SMYD2: variants seen among roughly 807,000 people sequenced by gnomAD.
The protein encoded by SMYD2 is SET and MYND domain containing 2.
Under a neutral mutation model 59.1 loss-of-function variants are expected in SMYD2, and 53 were observed. The observed-to-expected ratio is 0.90, with a 90% CI of 0.72 to 1.13. The LOEUF (loss-of-function observed/expected upper bound fraction) is 1.13. Ranked by LOEUF, SMYD2 falls within the 50% of genes most tolerant of loss-of-function variation. SMYD2 has a pLI of 0.00. For missense variants in SMYD2, 494 were observed against 544.7 expected (o/e 0.91, Z 0.93); for synonymous variants, 208 against 198.8 (o/e 1.05, Z -0.39).
Position 214,313,185 on chromosome 1 carries a change from C to T in SMYD2, c.238-1577C>T, listed in dbSNP as rs892268053. 2.0e-5 allele frequency among the ~76,000 whole-genome samples: 3 copies of T among 152,102 alleles called. 1 individual carries two copies. Among genetic ancestry groups the T allele is most frequent in the Non-Finnish European group, 4.4e-5 (3 of 68,018 alleles). ...AGGCTGGAGTGTAGCGGTGCACTCT[C>T]GGCTCACTGCAACCTCTGCCTCCTG... On this transcript the variant is annotated intron_variant, in intron 2 of 11. Transcript: ENST00000366957.
In SMYD2 at chr1:214,284,091, G is replaced by A. The variant is rs193030976; in HGVS notation, c.173+2664G>A. Among the ~76,000 whole-genome samples, 193 of 152,010 alleles carry A rather than the reference G, an allele frequency of 1.3e-3. 6 individuals carry two copies. Among genetic ancestry groups the A allele is most frequent in the Middle Eastern group, 6.8e-3 (2 of 292 alleles). ...TGGTGGGTGCCATTGGAGAACATGC[G>A]TATCTTGCCTGAACTGCTAGAAGGC... On this transcript the variant is annotated intron_variant, in intron 1 of 11. Transcript: ENST00000366957.
rs1333050447 is a variant in SMYD2, at chr1:214,329,076, TGTG to T, written c.706-1088_706-1086del. 3.3e-5 allele frequency among the ~76,000 whole-genome samples: 5 copies of T among 152,152 alleles called. 1 individual carries two copies. Among genetic ancestry groups the T allele is most frequent in the African/African-American group, 4.8e-5 (2 of 41,424 alleles). ...ATTACAGAGATTGTTGGCAGGCTCT[TGTG>T]GTGTGAGGCAGGGCAGGGGTGGCTG... is the stretch of plus-strand genomic sequence containing the variant. On this transcript the variant is annotated intron_variant, in intron 7 of 11. Transcript: ENST00000366957.
Position 214,336,873 on chromosome 1 carries a change from C to A in SMYD2, c.*89C>A. ...TTTCAAATTGCACACGTCACTCCAG[C>A]ATCTCTGTAAAATAATTGGAATGAA... On this transcript the variant is annotated 3_prime_UTR_variant, in exon 12 of 12. Coordinates refer to ENST00000366957, the MANE Select transcript of SMYD2 (RefSeq NM_020197.3). 1 of 1,114,766 alleles carries A rather than the reference C, an allele frequency of 9.0e-7. No individual in the cohort carries two copies. Among genetic ancestry groups the A allele is most frequent in the Non-Finnish European group, 1.3e-6 (1 of 776,644 alleles). 69.1% of individuals were successfully genotyped at this position (1,114,766 alleles called of 1,614,324 possible). A position where few individuals can be genotyped will look rare whatever the true frequency, so the allele number is the denominator to read the frequency against.
chr1:214,297,307 AT>A (rs1346526147), intron 1 of SMYD2, among the ~76,000 whole-genome samples: 13 of 148,142 alleles, frequency 8.8e-5, no homozygotes, highest in African/African-American at 3.3e-4. Flanking sequence ...TTTGGGGGTT[AT>A]TTCAGGTTTT....
At chr1:214,327,860 C>T (rs1442944868) in intron 7 of SMYD2, 136 bp downstream of exon 7, 5 of 659,534 alleles carry the variant, frequency 7.6e-6, no homozygotes, top group Non-Finnish European at 1.3e-5. Context: ...AGTCTGCCCT[C>T]AGGCTCTCCA....
chr1:214,330,777 A>C (rs1016681324), intron 8 of SMYD2, among the ~76,000 whole-genome samples, 173 bp from the exon 9 acceptor site: 9 of 152,252 alleles, frequency 5.9e-5, no homozygotes, highest in African/African-American at 2.2e-4. Flanking sequence ...GTAAAAAGGT[A>C]ATGGAGTACT....
chr1:214,288,471 C>T (rs1656585771), intron 1 of SMYD2, among the ~76,000 whole-genome samples: 1 of 152,188 alleles, frequency 6.6e-6, no homozygotes, highest in Non-Finnish European at 1.5e-5. Context: ...CCCCCTTTGG[C>T]CTGAACCTAC....
Position 214,332,108 on chromosome 1 carries a change from T to C in SMYD2, c.1028T>C (p.Met343Thr). The C allele has an allele frequency of 6.2e-7, 1 of 1,614,184 alleles. No individual in the cohort carries two copies. The highest frequency in any genetic ancestry group is 8.5e-7 in the Non-Finnish European group (1 of 1,180,036). Residue 343 changes from methionine to threonine, a missense_variant, in exon 10 of 12, where the codon ATG becomes ACG. Met to Thr is a moderately conservative substitution (Grantham distance 81). Coordinates refer to ENST00000366957, the MANE Select transcript of SMYD2 (RefSeq NM_020197.3). ...AGTAACGTGTACATGTTGCACATGA[T>C]GTACCAGGCCATGGGTGTCTGCTTG... ...EDSNVYMLHM[M>T]YQAMGVCLYM...
At chr1:214,333,551 G>A (rs1399609276) in intron 10 of SMYD2, 2 of 152,622 alleles carry the variant, frequency 1.3e-5, no homozygotes, top group East Asian at 3.9e-4. Flanking sequence ...TCTGGGCCCT[G>A]TTCTTAGGGA....
chr1:214,331,592 A>G (rs1157558106), intron 9 of SMYD2: 1 of 176,556 alleles, frequency 5.7e-6, no homozygotes, highest in Non-Finnish European at 1.2e-5. Context: ...GGGAGTTGAA[A>G]AGGGATTCGA....
rs192458377 is a variant in SMYD2, at chr1:214,302,140, G to A, written c.174-3047G>A. Among the ~76,000 whole-genome samples, 13 of 152,068 alleles carry A rather than the reference G, an allele frequency of 8.5e-5. No individual in the cohort carries two copies. The East Asian group carries it at 2.5e-3, about 29-fold the overall frequency. On this transcript the variant is annotated intron_variant, in intron 1 of 11. Transcript: ENST00000366957. ...GTGGATCACCTGAGGTCAGGAGTTC[G>A]AGACCATCCTGGCCAACATGGTGAA...
rs916237694 is a variant in SMYD2 at position 214,312,794 on chromosome 1, T to C, written c.238-1968T>C. ...CACGTGTGGCCTCCTAGGTCACCTT[T>C]AGCGCTTGGCCTTTTGCCTGGATGA... On this transcript the variant is annotated intron_variant, in intron 2 of 11. Coordinates refer to ENST00000366957, the MANE Select transcript of SMYD2 (RefSeq NM_020197.3). This position sits in a 1 kb window ranked among gnomAD's most constrained non-coding sequence, Gnocchi z 4.1. Among the ~76,000 whole-genome samples the C allele has an allele frequency of 3.3e-5, 5 of 152,176 alleles. No individual in the cohort carries two copies. The highest frequency in any genetic ancestry group is 2.0e-4 in the Admixed American group (3 of 15,272).
chr1:214,301,873 G>A (rs1403820755), intron 1 of SMYD2, among the ~76,000 whole-genome samples: 1 of 151,648 alleles, frequency 6.6e-6, no homozygotes, highest in African/African-American at 2.4e-5. Context: ...GATACCCACT[G>A]GACTTCAATA....
chr1:214,327,190 C>G (rs1360293605), intron 6 of SMYD2, among the ~76,000 whole-genome samples: 1 of 152,192 alleles, frequency 6.6e-6, no homozygotes, highest in African/African-American at 2.4e-5. Flanking sequence ...GCTGGCATTT[C>G]TCAACATCTG....
At chr1:214,307,730 T>C (rs1456754628) in intron 2 of SMYD2, among the ~76,000 whole-genome samples, 1 of 152,162 alleles carries the variant, frequency 6.6e-6, no homozygotes, top group African/African-American at 2.4e-5. Flanking sequence ...CTTTATGGTT[T>C]CCCTGCCCCC....
chr1:214,331,143 A>G, intron 9 of SMYD2, 73 bp downstream of exon 9: 2 of 1,595,384 alleles, frequency 1.3e-6, no homozygotes, highest in Non-Finnish European at 1.7e-6. Flanking sequence ...GGAAAGAGGG[A>G]GCAGGAGAAG....
chr1:214,314,551 C>G (rs1230939445), intron 2 of SMYD2, among the ~76,000 whole-genome samples: 3 of 152,182 alleles, frequency 2.0e-5, no homozygotes, highest in African/African-American at 7.2e-5. Context: ...CTCATCCCAA[C>G]AAGCTTGACC....
At chr1:214,305,301 C>A in intron 2 of SMYD2, 51 bp downstream of exon 2, 1 of 1,525,352 alleles carries the variant, frequency 6.6e-7, no homozygotes, top group South Asian at 1.1e-5. Context: ...TGAAGTCCTC[C>A]TCTTCCTTGT....
chr1:214,305,327 C>T lies in SMYD2; in HGVS notation c.237+77C>T, dbSNP rs922879199. ...TCTTCCTTGTCATGGCATTCCTCAG[C>T]GCCCTCCTGGAGCCAGAGCTGGAAA... On this transcript the variant is annotated intron_variant, in intron 2 of 11. Coordinates refer to ENST00000366957, the MANE Select transcript of SMYD2 (RefSeq NM_020197.3). The T allele has an allele frequency of 1.1e-5, 15 of 1,356,130 alleles. No individual in the cohort carries two copies. In the East Asian group the frequency reaches 1.4e-4, roughly 12 times the overall value. 84.0% of individuals were successfully genotyped at this position (1,356,130 alleles called of 1,614,324 possible). A position where few individuals can be genotyped will look rare whatever the true frequency, so the allele number is the denominator to read the frequency against.
Sources: gnomAD v4.1 joint callset for allele counts (sites outside exome capture counted in the v4.1 genomes callset) on GRCh38, gnomAD v4.1.1 for gene constraint, Gnocchi (gnomAD v3.1) non-coding constraint, MANE v1.5 for transcripts, NCBI Gene and HGNC (gene_info 2026-07-23, HGNC 2026-07-21) for gene names.